Variants in FRMD1 observed in about 807,000 individuals in gnomAD.
FRMD1 encodes FERM domain containing 1, also known as FERM domain-containing protein 1.
Under a neutral mutation model 54.9 loss-of-function variants are expected in FRMD1, and 51 were observed. The ratio of observed to expected loss-of-function variants is 0.93; its 90% CI spans 0.74 to 1.17. The LOEUF (loss-of-function observed/expected upper bound fraction) is 1.17, where lower values mean the gene tolerates loss of function less well. Ranked by LOEUF, FRMD1 falls within the 50% of genes most tolerant of loss-of-function variation. FRMD1 has a pLI of 0.00. For missense variants in FRMD1, 729 were observed against 743.0 expected, an observed-to-expected ratio of 0.98 and a Z score of 0.22; for synonymous variants, 324 against 306.4, an observed-to-expected ratio of 1.06 and a Z score of -0.60.
At chr6:168,089,729 G>T (rs562709553) in intron 1 of FRMD1, among the ~76,000 whole-genome samples, 1 of 152,196 alleles carries the variant, frequency 6.6e-6, no homozygotes, top group Non-Finnish European at 1.5e-5. Flanking sequence ...AATCGAAGGC[G>T]GACGGGCACA....
upstream of FRMD1, among the ~76,000 whole-genome samples, chr6:168,085,545 A>G (rs1176853077): frequency 3.3e-5 from 5 of 152,314 alleles, no homozygotes; most frequent in African/African-American, 1.2e-4. Context: ...AGGACGGGCC[A>G]CTGGGCTCCA....
In FRMD1 at chr6:168,079,116, C is replaced by G. The variant is rs774493704; in HGVS notation, c.-22G>C. On this transcript the variant is annotated 5_prime_UTR_variant, in exon 1 of 11. Coordinates refer to ENST00000283309, the MANE Select transcript of FRMD1 (RefSeq NM_024919.6). The stretch of plus-strand genomic sequence containing the variant: ...CCATGCTGTCGTTACTCGGCCCTCC[C>G]CCGCCATGGGTCGCAGGTGGGTGCT... 20 of 1,573,972 alleles carry G rather than the reference C, an allele frequency of 1.3e-5. No individual in the cohort carries two copies. In the Middle Eastern group the frequency reaches 5.1e-4, roughly 40 times the overall value.
At chr6:168,079,475 T>C (rs1800766941), upstream of FRMD1, among the ~76,000 whole-genome samples, 4 of 152,088 alleles carry the variant, frequency 2.6e-5, no homozygotes, top group Admixed American at 6.5e-5. Flanking sequence ...TCTTCTATAA[T>C]GTGGAGAGGG....
intron 3 of FRMD1, 54 bp downstream of exon 3, chr6:168,067,313 C>G (rs1201371466): frequency 9.1e-6 from 11 of 1,213,244 alleles, no homozygotes; most frequent in Non-Finnish European, 1.3e-5. Flanking sequence ...TCCCCGTGGC[C>G]CAGCACAGCC....
At chr6:168,067,230 C>A (rs951338811) in intron 3 of FRMD1, 137 bp downstream of exon 3, 17 of 678,024 alleles carry the variant, frequency 2.5e-5, no homozygotes, top group Non-Finnish European at 4.0e-5. Context: ...TGGTGCCCTG[C>A]TCTCTCCCAA....
At position 168,062,786 on chromosome 6, in the gene FRMD1, G is replaced by T; in HGVS notation, c.870+108C>A. On this transcript the variant is annotated intron_variant, in intron 7 of 10. Coordinates refer to ENST00000283309, the MANE Select transcript of FRMD1 (RefSeq NM_024919.6). ...GCGCGTCCAGGCAGGGCCAGCCAGC[G>T]CCCATGACCGCTGCAGGGATGCTAC... 3 of 1,601,556 alleles carry T rather than the reference G, an allele frequency of 1.9e-6. 1 individual carries two copies. Among genetic ancestry groups the T allele is most frequent in the South Asian group, 2.2e-5 (2 of 90,040 alleles).
intron 2 of FRMD1, among the ~76,000 whole-genome samples, chr6:168,070,372 A>G (rs1242543611): frequency 4.7e-5 from 2 of 42,794 alleles, no homozygotes; most frequent in African/African-American, 2.1e-4. Flanking sequence ...AGGAAGGGAG[A>G]GAGGGAGGGA....
Position 168,059,046 on chromosome 6 carries a change from A to G in FRMD1, c.1407+78T>C. ...CTCTGATAGGCCTAGGAAGGTCCCC[A>G]GGGCCCCTGACAGGGGACCTAGGAG... is the stretch of plus-strand genomic sequence containing the variant. On this transcript the variant is annotated intron_variant, in intron 10 of 10. Transcript: ENST00000283309. This position sits in a 1 kb window ranked among gnomAD's most constrained non-coding sequence, Gnocchi z 4.4. 1 of 1,188,376 alleles carries G rather than the reference A, an allele frequency of 8.4e-7. No homozygotes were observed. The highest frequency in any genetic ancestry group is 1.2e-6 in the Non-Finnish European group (1 of 832,992). The allele number at this position is 1,188,376 out of a possible 1,614,324, so 73.6% of individuals were successfully genotyped here.
chr6:168,060,095 G>C (rs1799636809), intron 9 of FRMD1, among the ~76,000 whole-genome samples: 1 of 93,312 alleles, frequency 1.1e-5, no homozygotes, highest in Non-Finnish European at 2.1e-5. Context: ...GGCTTCTTAG[G>C]AGTGTGGGGG....
intron 9 of FRMD1, among the ~76,000 whole-genome samples, chr6:168,060,268 G>T (rs1195926163): frequency 6.9e-6 from 1 of 145,880 alleles, no homozygotes; most frequent in Non-Finnish European, 1.5e-5. Flanking sequence ...GGATTCCTGG[G>T]AGAGGGAGGG....
rs1402980598 is a variant in FRMD1 at position 168,059,539 on chromosome 6, C to G, written c.1343-351G>C. On this transcript the variant is annotated intron_variant, in intron 9 of 10. Coordinates refer to ENST00000283309, the MANE Select transcript of FRMD1 (RefSeq NM_024919.6). The surrounding 1 kb of genome is among the most constrained non-coding windows in gnomAD (Gnocchi z 4.4). ...GGCTTAGTGACAGGAATGCCTGGCCCTGGGAGGCCCTAGGTGATGTTTTGT... is the reference window on the plus strand; with the variant it reads ...GGCTTAGTGACAGGAATGCCTGGCCGTGGGAGGCCCTAGGTGATGTTTTGT... Among the ~76,000 whole-genome samples the G allele has an allele frequency of 6.6e-6, 1 of 152,148 alleles. No homozygotes were observed. The highest frequency in any genetic ancestry group is 2.4e-5 in the African/African-American group (1 of 41,430).
intron 4 of FRMD1, chr6:168,066,526 AAAAG>A: frequency 7.8e-7 from 1 of 1,280,842 alleles, no homozygotes; most frequent in Non-Finnish European, 9.9e-7. Context: ...AACAAAAAGA[AAAAG>A]AAAAGAAAAA....
In FRMD1 at chr6:168,060,901, A is replaced by C; in HGVS notation, c.1202T>G (p.Ile401Ser). ...DSHGSSYTSG[I>S]KANSWLRESR... ...TTCCCTGAGCCAGGAGTTGGCCTTG[A>C]TGCCTGACGTGTAGGAACTGCCGTG... The change falls in exon 9 of 11, where the codon ATC (isoleucine) becomes AGC (serine). Residue 401 changes from isoleucine (I) to serine (S), a missense_variant. Ile to Ser is a moderately radical substitution (Grantham distance 142). Transcript: ENST00000283309. The C allele has an allele frequency of 1.2e-6, 2 of 1,613,830 alleles. No individual in the cohort carries two copies. Among genetic ancestry groups the C allele is most frequent in the Non-Finnish European group, 1.7e-6 (2 of 1,180,008 alleles).
intron 5 of FRMD1, 109 bp downstream of exon 5, chr6:168,064,762 C>G: frequency 6.8e-7 from 1 of 1,464,904 alleles, no homozygotes; most frequent in Non-Finnish European, 9.1e-7. Flanking sequence ...GACCCTTGCT[C>G]CAGCAGCCCC....
intron 1 of FRMD1, among the ~76,000 whole-genome samples, chr6:168,086,934 T>A (rs1800931419): frequency 6.6e-6 from 1 of 152,210 alleles, no homozygotes; most frequent in Admixed American, 6.5e-5. Context: ...TGAGGCCTGA[T>A]GGAGTGACCC....
chr6:168,088,063 C>T (rs1370400002), intron 1 of FRMD1, among the ~76,000 whole-genome samples: 4 of 152,300 alleles, frequency 2.6e-5, no homozygotes, highest in Non-Finnish European at 4.4e-5. Flanking sequence ...CCTCTGGTTC[C>T]GAGTCTCCCC....
At chr6:168,087,176 C>T (rs1303251848) in intron 1 of FRMD1, among the ~76,000 whole-genome samples, 2 of 152,120 alleles carry the variant, frequency 1.3e-5, no homozygotes, top group African/African-American at 4.8e-5. Flanking sequence ...AAGCGATTCT[C>T]CCATCCCAGA....
At chr6:168,071,362 G>T (rs1438884894) in intron 2 of FRMD1, among the ~76,000 whole-genome samples, 1 of 152,212 alleles carries the variant, frequency 6.6e-6, no homozygotes, top group East Asian at 1.9e-4. Context: ...AGAAATCCAA[G>T]CACTTCCCGT....
chr6:168,081,385 A>G, upstream of FRMD1: 1 of 1,535,214 alleles, frequency 6.5e-7, no homozygotes, highest in Non-Finnish European at 8.7e-7. Context: ...TCGTGATGGA[A>G]GAGGCTGGCC....
Sources: gnomAD v4.1 joint callset for allele counts (sites outside exome capture counted in the v4.1 genomes callset) on GRCh38, gnomAD v4.1.1 for gene constraint, Gnocchi (gnomAD v3.1) non-coding constraint, MANE v1.5 for transcripts, NCBI Gene and HGNC (gene_info 2026-07-23, HGNC 2026-07-21) for gene names.